EMC2: variants seen among roughly 807,000 people sequenced by gnomAD.
EMC2 encodes TPR repeat protein 35.
Under a neutral mutation model 51.6 loss-of-function variants are expected in EMC2, and 37 were observed. That is an observed-to-expected ratio of 0.72 (90% CI 0.55 to 0.94). The LOEUF (loss-of-function observed/expected upper bound fraction) is 0.94. Among genes scored for constraint, EMC2 ranks in the 40% least tolerant of loss-of-function variants. EMC2 has a pLI of 0.00. For synonymous variants in EMC2, 131 were observed against 112.4 expected (o/e 1.17, Z -1.04); for missense variants, 359 against 350.9 (o/e 1.02, Z -0.18).
At chr8:108,485,353 A>G (rs1811113624) in intron 10 of EMC2, among the ~76,000 whole-genome samples, 1 of 149,886 alleles carries the variant, frequency 6.7e-6, no homozygotes, top group Non-Finnish European at 1.5e-5. Context: ...AAAACACTAG[A>G]TGTTGCTAAT....
Position 108,469,816 on chromosome 8 carries a change from C to A in EMC2, c.364-10C>A. On this transcript the variant is annotated splice_polypyrimidine_tract_variant and intron_variant, in intron 5 of 10. Coordinates refer to ENST00000220853, the MANE Select transcript of EMC2 (RefSeq NM_014673.5). ...TAAGGGCCTAATCCTTTATTAATGT[C>A]AACCCACAGGCTGCAAGAAAGCGTA... 1.2e-6 allele frequency: 2 copies of A among 1,611,696 alleles called. No homozygotes were observed. Among genetic ancestry groups the A allele is most frequent in the South Asian group, 2.2e-5 (2 of 90,894 alleles).
intron 10 of EMC2, 24 bp from the exon 11 acceptor site, chr8:108,486,488 C>A (rs1247398238): frequency 1.5e-6 from 2 of 1,324,088 alleles, no homozygotes; most frequent in East Asian, 2.9e-5. Flanking sequence ...CCTAATTGAG[C>A]TTTTTTTTTT....
Position 108,469,837 on chromosome 8 carries a change from G to A in EMC2, c.375G>A (p.Lys125=), listed in dbSNP as rs377098175. 7.4e-6 allele frequency: 12 copies of A among 1,613,212 alleles called. No individual in the cohort carries two copies. In the African/African-American group the frequency reaches 1.1e-4, roughly 14 times the overall value. The change falls in exon 6 of 11, where the codon AAG becomes AAA. Residue 125 remains lysine (K), a synonymous_variant. Coordinates refer to ENST00000220853, the MANE Select transcript of EMC2 (RefSeq NM_014673.5). ...ATGTCAACCCACAGGCTGCAAGAAA[G>A]CGTAAGATTGCCATTCGAAAAGCCC... ...QEDPTNTAAR[K]RKIAIRKAQG...
chr8:108,457,178 GTAT>G (rs1819186689), intron 5 of EMC2, among the ~76,000 whole-genome samples: 1 of 152,170 alleles, frequency 6.6e-6, no homozygotes, highest in African/African-American at 2.4e-5. Flanking sequence ...TGATACTTAT[GTAT>G]TATAGTAGTT....
In EMC2 at chr8:108,449,739, T is replaced by G. The variant is rs1818969823; in HGVS notation, c.41-84T>G. 5.0e-6 allele frequency: 3 copies of G among 595,176 alleles called. No individual in the cohort carries two copies. The East Asian group carries it at 9.0e-5, about 18-fold the overall frequency. The allele number at this position is 595,176 out of a possible 1,614,324, so 36.9% of individuals were successfully genotyped here. Reference sequence around the variant, plus strand: ...TTCCTTACCTAAAAAGCTGATTTTGTCTTGTCAGGTTTTTGACATCTATCG... The same window carrying G: ...TTCCTTACCTAAAAAGCTGATTTTGGCTTGTCAGGTTTTTGACATCTATCG... On this transcript the variant is annotated intron_variant, in intron 1 of 10. Transcript: ENST00000220853.
chr8:108,472,395 C>G (rs890711800), intron 7 of EMC2, among the ~76,000 whole-genome samples: 1 of 151,198 alleles, frequency 6.6e-6, no homozygotes, highest in African/African-American at 2.4e-5. Flanking sequence ...ACTGAGAAAT[C>G]TCAAAAAATG....
chr8:108,443,679 T>A lies in EMC2; in HGVS notation c.21T>A (p.Leu7=). The A allele has an allele frequency of 6.2e-7, 1 of 1,610,288 alleles. No individual in the cohort carries two copies. Among genetic ancestry groups the A allele is most frequent in the South Asian group, 1.1e-5 (1 of 90,202 alleles). MAKVSE[L]YDVTWEEMRD... ...GGAAGATGGCGAAGGTCTCAGAGCT[T>A]TACGATGTCACTTGGGAAGGTAACT... Residue 7 remains leucine (L), a synonymous_variant, in exon 1 of 11, where the codon CTT becomes CTA. Coordinates refer to ENST00000220853, the MANE Select transcript of EMC2 (RefSeq NM_014673.5).
chr8:108,446,399 TC>T, intron 1 of EMC2: 1 of 335,370 alleles, frequency 3.0e-6, no homozygotes, highest in Non-Finnish European at 6.1e-6. Flanking sequence ...GGTTGAGAGA[TC>T]AGTTTGGAAG....
At chr8:108,447,642 A>G (rs951560064) in intron 1 of EMC2, among the ~76,000 whole-genome samples, 1 of 152,190 alleles carries the variant, frequency 6.6e-6, no homozygotes, top group Non-Finnish European at 1.5e-5. Context: ...CTGCAGTGAC[A>G]TCTCATGCAA....
At chr8:108,477,136 TA>T (rs1468606921) in intron 9 of EMC2, among the ~76,000 whole-genome samples, 1 of 152,018 alleles carries the variant, frequency 6.6e-6, no homozygotes, top group African/African-American at 2.4e-5. Flanking sequence ...TCTGCCCTTA[TA>T]AAATTAAATA....
intron 4 of EMC2, among the ~76,000 whole-genome samples, chr8:108,454,011 T>G (rs1047199094): frequency 6.6e-6 from 1 of 152,150 alleles, no homozygotes; most frequent in Non-Finnish European, 1.5e-5. Flanking sequence ...AGGTCTGCTT[T>G]GTCTGAAACT....
In EMC2 at chr8:108,484,460, C is replaced by G. The variant is rs191689132; in HGVS notation, c.808-2052C>G. On this transcript the variant is annotated intron_variant, in intron 10 of 10. Transcript: ENST00000220853. ...GTTGTGAGTAATGTTGACACCATCT[C>G]AGTTGACTCTTTAAAATTAGCTAAT... 6.1e-3 allele frequency among the ~76,000 whole-genome samples: 934 copies of G among 152,094 alleles called. 5 individuals carry two copies. The highest frequency in any genetic ancestry group is 0.011 in the Admixed American group (162 of 15,262).
At chr8:108,480,296 T>C (rs752058161) in intron 10 of EMC2, among the ~76,000 whole-genome samples, 1 of 152,162 alleles carries the variant, frequency 6.6e-6, no homozygotes, top group South Asian at 2.1e-4. Flanking sequence ...TATTTTTCTT[T>C]CCTCCATGTT....
Position 108,466,051 on chromosome 8 carries a change from T to C in EMC2, c.364-3775T>C, listed in dbSNP as rs115264916. 6.1e-3 allele frequency among the ~76,000 whole-genome samples: 930 copies of C among 152,286 alleles called. 12 individuals carry two copies. The highest frequency in any genetic ancestry group is 0.021 in the African/African-American group (870 of 41,554). On this transcript the variant is annotated intron_variant, in intron 5 of 10. Coordinates refer to ENST00000220853, the MANE Select transcript of EMC2 (RefSeq NM_014673.5). ...TGGACCATCACTGAGCTAAACACTT[T>C]ACATATATTATCCCATTAATTGTCA...
intron 2 of EMC2, 38 bp from the exon 3 acceptor site, chr8:108,450,390 A>G (rs750181442): frequency 1.3e-5 from 16 of 1,251,384 alleles, no homozygotes; most frequent in Non-Finnish European, 1.8e-5. Flanking sequence ...TTGTTTTAAT[A>G]TTAAATTCAG....
At chr8:108,473,029 CAAAT>C (rs1810885100) in intron 7 of EMC2, among the ~76,000 whole-genome samples, 1 of 151,724 alleles carries the variant, frequency 6.6e-6, no homozygotes, top group African/African-American at 2.4e-5. Flanking sequence ...TTTTAAACTC[CAAAT>C]AAATATCTAT....
At chr8:108,477,695 G>A (rs988662877) in intron 9 of EMC2, among the ~76,000 whole-genome samples, 2 of 152,030 alleles carry the variant, frequency 1.3e-5, no homozygotes, top group African/African-American at 4.8e-5. Flanking sequence ...CTGGATTTTA[G>A]CAAAGCCAAT....
intron 10 of EMC2, among the ~76,000 whole-genome samples, chr8:108,483,711 G>GT (rs1362075528): frequency 2.6e-5 from 4 of 151,880 alleles, no homozygotes; most frequent in Admixed American, 6.6e-5. Context: ...TTGTTTTTGT[G>GT]TTTTTTTCTG....
intron 1 of EMC2, 102 bp from the exon 2 acceptor site, chr8:108,449,720 AC>A: frequency 1.7e-6 from 1 of 573,096 alleles, no homozygotes; most frequent in South Asian, 2.3e-5. Context: ...TATTTTCCTT[AC>A]CTAAAAAGCT....
Sources: gnomAD v4.1 joint callset for allele counts (sites outside exome capture counted in the v4.1 genomes callset) on GRCh38, gnomAD v4.1.1 for gene constraint, MANE v1.5 for transcripts, NCBI Gene and HGNC (gene_info 2026-07-23, HGNC 2026-07-21) for gene names.